The following CUX2 variants were observed in gnomAD, a reference collection of about 807,000 sequenced individuals.
CUX2 encodes cut like homeobox 2.
CUX2 carries 40 observed loss-of-function variants against 144.8 expected under a neutral mutation model. The observed-to-expected ratio is 0.28, with a 90% CI of 0.21 to 0.36. CUX2 has a LOEUF of 0.36. Among genes scored for constraint, CUX2 ranks in the 10% least tolerant of loss-of-function variants. The pLI, the probability that CUX2 is intolerant of heterozygous loss-of-function variation, is 1.00. For synonymous variants in CUX2, 827 were observed against 875.6 expected, an observed-to-expected ratio of 0.94 and a Z score of 0.98; for missense variants, 1,615 against 1,994.0, an observed-to-expected ratio of 0.81 and a Z score of 3.62.
rs562138958 is a variant in CUX2 at position 111,348,718 on chromosome 12, G to C, written c.*393G>C. 3 of 175,338 alleles carry C rather than the reference G, an allele frequency of 1.7e-5. No individual in the cohort carries two copies. Among genetic ancestry groups the C allele is most frequent in the South Asian group, 3.1e-4 (2 of 6,410 alleles). 10.9% of individuals were successfully genotyped at this position (175,338 alleles called of 1,614,324 possible). On this transcript the variant is annotated 3_prime_UTR_variant, in exon 22 of 22. Transcript: ENST00000261726. ...GCTGATGCTGTTTTGATATTACAGA[G>C]AGTTATAAAATCAGGATGCTGTCAC...
chr12:111,265,364 C>G (rs184366768), intron 4 of CUX2, among the ~76,000 whole-genome samples: 5 of 139,902 alleles, frequency 3.6e-5, no homozygotes, highest in Non-Finnish European at 7.5e-5. Flanking sequence ...ATTTTTGAGA[C>G]AGGGTCTTGC....
chr12:111,064,382 G>A (rs1216511924), intron 1 of CUX2, among the ~76,000 whole-genome samples: 1 of 152,134 alleles, frequency 6.6e-6, no homozygotes, highest in Non-Finnish European at 1.5e-5. Context: ...TTCCTCGTAG[G>A]GCTATCATGG....
chr12:111,308,243 G>A (rs748571209), intron 12 of CUX2, 42 bp from the exon 13 acceptor site: 58 of 1,609,888 alleles, frequency 3.6e-5, no homozygotes, highest in Middle Eastern at 1.7e-4. Context: ...CCTCCAGCCC[G>A]GGGGCTGGCT....
chr12:111,202,970 G>A (rs756029085), intron 1 of CUX2, among the ~76,000 whole-genome samples: 11 of 152,108 alleles, frequency 7.2e-5, no homozygotes, highest in Non-Finnish European at 1.5e-4. Context: ...CATGGTTCAC[G>A]ACTATAATCC....
chr12:111,184,276 G>GA (rs1384561038), intron 1 of CUX2, among the ~76,000 whole-genome samples: 12 of 152,050 alleles, frequency 7.9e-5, no homozygotes, highest in African/African-American at 2.9e-4. Context: ...GGAAACCCTG[G>GA]AAAAAACCTA....
rs146644697 is a variant in CUX2, at chr12:111,124,486, T to C, written c.64-89714T>C. 4.7e-3 allele frequency among the ~76,000 whole-genome samples: 722 copies of C among 152,300 alleles called. 10 individuals are homozygous for C. The highest frequency in any genetic ancestry group is 0.016 in the African/African-American group (680 of 41,570). ...TGTGTGAGGCAGGACCCTTTCTGGA[T>C]TGGGGCTCCTATGACCTACAGTCAA... On this transcript the variant is annotated intron_variant, in intron 1 of 21. Transcript: ENST00000261726.
intron 1 of CUX2, among the ~76,000 whole-genome samples, chr12:111,126,115 T>TC (rs1216145637): frequency 2.6e-5 from 4 of 151,430 alleles, no homozygotes; most frequent in African/African-American, 9.7e-5. Flanking sequence ...GAGGTCTTTT[T>TC]TTTTTTTTTT....
chr12:111,262,199 G>A (rs1053833822), intron 3 of CUX2, among the ~76,000 whole-genome samples: 1 of 152,152 alleles, frequency 6.6e-6, no homozygotes, highest in Non-Finnish European at 1.5e-5. Flanking sequence ...TCCCATAAGG[G>A]TGGGACATGA....
rs536612316 is a variant in CUX2 at position 111,143,398 on chromosome 12, C to A, written c.64-70802C>A. 5.3e-5 allele frequency among the ~76,000 whole-genome samples: 8 copies of A among 152,350 alleles called. No homozygotes were observed. In the East Asian group the frequency reaches 1.4e-3, roughly 26 times the overall value. ...GTGCCCATTTTTCACAGAGCCCTGT[C>A]ATTCGCACCAGGCGTCGTCCACGTT... On this transcript the variant is annotated intron_variant, in intron 1 of 21. Coordinates refer to ENST00000261726, the MANE Select transcript of CUX2 (RefSeq NM_015267.4).
intron 1 of CUX2, among the ~76,000 whole-genome samples, chr12:111,055,356 A>G (rs1275536291): frequency 1.3e-5 from 2 of 152,068 alleles, no homozygotes; most frequent in African/African-American, 4.8e-5. Flanking sequence ...TGTCCTTCCT[A>G]TCCTGGGGTA....
At chr12:111,233,021 G>A (rs915949252) in intron 3 of CUX2, among the ~76,000 whole-genome samples, 5 of 152,190 alleles carry the variant, frequency 3.3e-5, no homozygotes, top group Non-Finnish European at 4.4e-5. Context: ...GCTTCCAGGA[G>A]GAAGTGACCT....
intron 1 of CUX2, among the ~76,000 whole-genome samples, chr12:111,060,704 C>G (rs1470338394): frequency 6.6e-6 from 1 of 152,216 alleles, no homozygotes; most frequent in Non-Finnish European, 1.5e-5. Flanking sequence ...AGCAAATTCC[C>G]TTTCCCTCAG....
intron 1 of CUX2, among the ~76,000 whole-genome samples, chr12:111,072,930 AT>A (rs1871316859): frequency 6.6e-6 from 1 of 152,246 alleles, no homozygotes; most frequent in Non-Finnish European, 1.5e-5. Flanking sequence ...AAAGTAAAAT[AT>A]ATTCAATGTG....
At chr12:111,226,671 T>C (rs1882162379) in intron 3 of CUX2, among the ~76,000 whole-genome samples, 1 of 152,174 alleles carries the variant, frequency 6.6e-6, no homozygotes, top group Non-Finnish European at 1.5e-5. Context: ...ACTAGAATTC[T>C]CGCGCTTTAT....
chr12:111,097,802 T>C (rs1300113541), intron 1 of CUX2, among the ~76,000 whole-genome samples: 3 of 152,188 alleles, frequency 2.0e-5, no homozygotes, highest in Non-Finnish European at 2.9e-5. Flanking sequence ...GGGCACAGCA[T>C]TGGGCACCAG....
At chr12:111,167,188 G>A (rs895556415) in intron 1 of CUX2, among the ~76,000 whole-genome samples, 4 of 152,144 alleles carry the variant, frequency 2.6e-5, no homozygotes, top group Admixed American at 6.5e-5. Context: ...CTGACAGGTG[G>A]TTTGGCACCA....
intron 1 of CUX2, among the ~76,000 whole-genome samples, chr12:111,142,418 A>G (rs1429997698): frequency 6.6e-6 from 1 of 152,030 alleles, no homozygotes; most frequent in Non-Finnish European, 1.5e-5. Flanking sequence ...TGTATTGAAC[A>G]TTATAAATGG....
chr12:111,290,059 C>G (rs1885589222), intron 4 of CUX2, among the ~76,000 whole-genome samples: 1 of 152,196 alleles, frequency 6.6e-6, no homozygotes, highest in South Asian at 2.1e-4. Context: ...CGATGGATCT[C>G]AGAGCAGCAG....
At chr12:111,153,117 AG>A (rs1281172497) in intron 1 of CUX2, among the ~76,000 whole-genome samples, 1 of 152,210 alleles carries the variant, frequency 6.6e-6, no homozygotes, top group Non-Finnish European at 1.5e-5. Flanking sequence ...TCACTGGGGA[AG>A]GCCCCTGGAT....
Sources: gnomAD v4.1 joint callset for allele counts (sites outside exome capture counted in the v4.1 genomes callset) on GRCh38, gnomAD v4.1.1 for gene constraint, MANE v1.5 for transcripts, NCBI Gene and HGNC (gene_info 2026-07-23, HGNC 2026-07-21) for gene names.